C1orf21: variants seen among roughly 807,000 people sequenced by gnomAD.
The protein encoded by C1orf21 is uncharacterized protein C1orf21.
A neutral mutation model predicts 18.7 loss-of-function variants in C1orf21; 3 were observed. The ratio of observed to expected loss-of-function variants is 0.16; its 90% CI spans 0.07 to 0.42. The LOEUF (loss-of-function observed/expected upper bound fraction) is 0.42, where lower values mean the gene tolerates loss of function less well. C1orf21 is among the 10% of genes least tolerant of loss of function. C1orf21 has a pLI of 0.99. For missense variants in C1orf21, 104 were observed against 143.6 expected (o/e 0.72, Z 1.41); for synonymous variants, 41 against 46.4 (o/e 0.88, Z 0.47).
At chr1:184,431,557 G>T (rs1656763063) in intron 1 of C1orf21, among the ~76,000 whole-genome samples, 1 of 152,150 alleles carries the variant, frequency 6.6e-6, no homozygotes, top group South Asian at 2.1e-4. Flanking sequence ...ACATAGGCAT[G>T]GGCAAAGACT....
intron 3 of C1orf21, among the ~76,000 whole-genome samples, chr1:184,576,198 C>A (rs1659187596): frequency 6.6e-6 from 1 of 151,824 alleles, no homozygotes; most frequent in African/African-American, 2.4e-5. Context: ...AATCTCGGCT[C>A]ACTGCAACCT....
At chr1:184,478,012 T>C (rs1195948090) in intron 2 of C1orf21, among the ~76,000 whole-genome samples, 1 of 152,216 alleles carries the variant, frequency 6.6e-6, no homozygotes, top group Non-Finnish European at 1.5e-5. Flanking sequence ...TTGGATCATC[T>C]ACATCATAAT....
chr1:184,445,116 T>C (rs1418682118), intron 1 of C1orf21, among the ~76,000 whole-genome samples: 2 of 152,148 alleles, frequency 1.3e-5, no homozygotes, highest in Non-Finnish European at 2.9e-5. Flanking sequence ...GAGTAAAGCT[T>C]CATGAAAAAC....
At chr1:184,592,622 G>C (rs1659455088) in intron 4 of C1orf21, among the ~76,000 whole-genome samples, 2 of 152,128 alleles carry the variant, frequency 1.3e-5, no homozygotes, top group East Asian at 1.9e-4. Flanking sequence ...ATTTGACACA[G>C]GCACCCCAAC....
At chr1:184,587,360 C>A (rs1659370060) in intron 3 of C1orf21, among the ~76,000 whole-genome samples, 1 of 144,790 alleles carries the variant, frequency 6.9e-6, no homozygotes, top group Non-Finnish European at 1.5e-5. Context: ...AGCATTGAAT[C>A]TATAAATTGC....
intron 1 of C1orf21, among the ~76,000 whole-genome samples, chr1:184,422,137 G>A (rs1656555666): frequency 6.6e-6 from 1 of 152,184 alleles, no homozygotes; most frequent in South Asian, 2.1e-4. Context: ...TAGAGAAAGA[G>A]TATCAGGCAG....
At chr1:184,402,328 A>C (rs1253640678) in intron 1 of C1orf21, among the ~76,000 whole-genome samples, 1 of 151,574 alleles carries the variant, frequency 6.6e-6, no homozygotes, top group African/African-American at 2.4e-5. Context: ...GAATGGATCT[A>C]ATTTTTGCAA....
At chr1:184,416,079 A>G (rs1423455225) in intron 1 of C1orf21, among the ~76,000 whole-genome samples, 2 of 152,222 alleles carry the variant, frequency 1.3e-5, no homozygotes, top group Admixed American at 1.3e-4. Context: ...CTTCATAGGA[A>G]CAAAATCATC....
At chr1:184,567,465 G>C (rs1273296602) in intron 3 of C1orf21, 1 of 541,110 alleles carries the variant, frequency 1.8e-6, no homozygotes, top group African/African-American at 1.9e-5. Context: ...AACACTGCTG[G>C]TGCAGAGATG....
At chr1:184,470,616 C>T (rs1433754645) in intron 1 of C1orf21, among the ~76,000 whole-genome samples, 3 of 152,142 alleles carry the variant, frequency 2.0e-5, no homozygotes, top group South Asian at 2.1e-4. Context: ...TGGCGGCTCA[C>T]GCCTGAAATC....
chr1:184,495,402 G>A (rs1657876860), intron 2 of C1orf21, among the ~76,000 whole-genome samples: 1 of 152,146 alleles, frequency 6.6e-6, no homozygotes, highest in Non-Finnish European at 1.5e-5. Context: ...AGTGCTCTAT[G>A]AGAAGACAGA....
intron 3 of C1orf21, among the ~76,000 whole-genome samples, chr1:184,530,663 A>T (rs1489083404): frequency 7.3e-6 from 1 of 136,378 alleles, no homozygotes; most frequent in African/African-American, 2.8e-5. Flanking sequence ...TTTTGTTTCA[A>T]TATTTTCATC....
intron 1 of C1orf21, among the ~76,000 whole-genome samples, chr1:184,430,774 C>T (rs1223256213): frequency 6.6e-6 from 1 of 152,062 alleles, no homozygotes; most frequent in Non-Finnish European, 1.5e-5. Flanking sequence ...AGATCTGGTG[C>T]CTCTGGTTCC....
intron 1 of C1orf21, among the ~76,000 whole-genome samples, chr1:184,463,343 A>T (rs1657337293): frequency 6.6e-6 from 1 of 151,958 alleles, no homozygotes; most frequent in Admixed American, 6.6e-5. Flanking sequence ...TCTATTCATA[A>T]TTTTTATCAT....
intron 3 of C1orf21, among the ~76,000 whole-genome samples, chr1:184,541,520 C>T (rs956124955): frequency 1.8e-4 from 27 of 152,166 alleles, no homozygotes; most frequent in African/African-American, 6.0e-4. Flanking sequence ...TGGATGTCTT[C>T]AGGTGACAGA....
At chr1:184,518,083 TC>T (rs896883419) in intron 3 of C1orf21, among the ~76,000 whole-genome samples, 12 of 152,290 alleles carry the variant, frequency 7.9e-5, no homozygotes, top group African/African-American at 2.9e-4. Context: ...TTGGAAGACT[TC>T]CTATATCCAG....
chr1:184,530,741 C>G (rs1658450156), intron 3 of C1orf21, among the ~76,000 whole-genome samples: 1 of 151,544 alleles, frequency 6.6e-6, no homozygotes, highest in African/African-American at 2.4e-5. Flanking sequence ...TATTCAGCAA[C>G]TATCCTACCT....
chr1:184,571,169 CG>C (rs1659105770), intron 3 of C1orf21, among the ~76,000 whole-genome samples: 1 of 150,324 alleles, frequency 6.7e-6, no homozygotes, highest in African/African-American at 2.4e-5. Flanking sequence ...TAGTGGCGGG[CG>C]CCTGTAGTCC....
chr1:184,401,422 C>T (rs533958132), intron 1 of C1orf21, among the ~76,000 whole-genome samples: 33 of 152,090 alleles, frequency 2.2e-4, no homozygotes, highest in Middle Eastern at 3.4e-3. Context: ...GGTTTCGCCA[C>T]GCAGCCAGCC....
Sources: gnomAD v4.1 joint callset for allele counts (sites outside exome capture counted in the v4.1 genomes callset) on GRCh38, gnomAD v4.1.1 for gene constraint, MANE v1.5 for transcripts, NCBI Gene and HGNC (gene_info 2026-07-23, HGNC 2026-07-21) for gene names.